ADGRL2: variants seen among roughly 807,000 people sequenced by gnomAD.
The protein encoded by ADGRL2 is adhesion G protein-coupled receptor L2, also known as calcium-independent alpha-latrotoxin receptor 2.
ADGRL2 carries 44 observed loss-of-function variants against 157.4 expected under a neutral mutation model. The ratio of observed to expected loss-of-function variants is 0.28; its 90% confidence interval spans 0.22 to 0.36. The LOEUF (loss-of-function observed/expected upper bound fraction) is 0.36. Among genes scored for constraint, ADGRL2 ranks in the 10% least tolerant of loss-of-function variants. ADGRL2 has a pLI of 1.00. For synonymous variants in ADGRL2, 585 were observed against 624.7 expected (o/e 0.94, Z 0.95); for missense variants, 1,510 against 1,768.9 (o/e 0.85, Z 2.63).
intron 3 of ADGRL2, among the ~76,000 whole-genome samples, chr1:81,926,979 A>G (rs531266215): frequency 1.3e-5 from 2 of 152,170 alleles, no homozygotes; most frequent in South Asian, 4.1e-4. Flanking sequence ...CAGCATTGCC[A>G]TTTCAAAATG....
At chr1:81,820,328 C>A (rs1298901643) in intron 1 of ADGRL2, among the ~76,000 whole-genome samples, 1 of 152,144 alleles carries the variant, frequency 6.6e-6, no homozygotes, top group Non-Finnish European at 1.5e-5. Context: ...AGTGTTATAA[C>A]ACTGAGTTGT....
intron 2 of ADGRL2, among the ~76,000 whole-genome samples, chr1:81,780,862 C>CCG (rs1456842217): frequency 6.6e-6 from 1 of 152,104 alleles, no homozygotes; most frequent in African/African-American, 2.4e-5. Flanking sequence ...CTATGTCCCC[C>CCG]CACAGAATAA....
intron 3 of ADGRL2, among the ~76,000 whole-genome samples, chr1:81,624,518 G>C (rs1027786634): frequency 1.3e-5 from 2 of 151,974 alleles, no homozygotes; most frequent in Non-Finnish European, 2.9e-5. Flanking sequence ...GGAGGCAGAG[G>C]TTGCAGTGAA....
chr1:81,766,839 A>C (rs1337523344), intron 2 of ADGRL2, among the ~76,000 whole-genome samples: 1 of 123,500 alleles, frequency 8.1e-6, no homozygotes, highest in African/African-American at 3.3e-5. Flanking sequence ...TCAAAAAAAA[A>C]AAAAAAGGAA....
At chr1:81,839,953 T>TTTTCCATCATATATATATG (rs1171555898) in intron 2 of ADGRL2, among the ~76,000 whole-genome samples, 2 of 147,516 alleles carry the variant, frequency 1.4e-5, no homozygotes, top group East Asian at 2.0e-4. Context: ...AATATATATA[T>TTTTCCATCATATATATATG]AAATACACAC....
Position 81,834,097 on chromosome 1 carries a change from A to G in ADGRL2, c.-100-2788A>G, listed in dbSNP as rs540433327. Among the ~76,000 whole-genome samples the G allele has an allele frequency of 1.6e-3, 242 of 152,262 alleles. 1 individual carries two copies. The highest frequency in any genetic ancestry group is 2.7e-3 in the Non-Finnish European group (186 of 68,002). ...TATAGTTTAAGTAGAAATCTGTTGT[A>G]TCTTGTTTTACTAAGAAATGAACTA... On this transcript the variant is annotated intron_variant, in intron 1 of 23. Coordinates refer to ENST00000686636, the MANE Select transcript of ADGRL2 (RefSeq NM_001366006.2).
chr1:81,921,094 C>T (rs987578334), intron 3 of ADGRL2, among the ~76,000 whole-genome samples: 8 of 152,174 alleles, frequency 5.3e-5, no homozygotes, highest in Middle Eastern at 3.4e-3. Flanking sequence ...ATTCTAATGG[C>T]ATTTTGACAT....
intron 2 of ADGRL2, among the ~76,000 whole-genome samples, chr1:81,575,888 A>C (rs1405235368): frequency 6.6e-6 from 1 of 152,170 alleles, no homozygotes; most frequent in African/African-American, 2.4e-5. Flanking sequence ...CCAAATTTAT[A>C]CTACACAGAA....
chr1:81,803,992 G>C lies in ADGRL2; in HGVS notation c.-101+2924G>C, dbSNP rs375615137. ...GGTTGTCTCTTGCTAAGTCAGGTTT[G>C]ATCTTGGGCAAACCTTAGAAAATAG... On this transcript the variant is annotated intron_variant, in intron 1 of 23. Transcript: ENST00000686636. 1.3e-3 allele frequency among the ~76,000 whole-genome samples: 191 copies of C among 152,272 alleles called. 7 individuals are homozygous for C. The South Asian group carries it at 0.036, about 29-fold the overall frequency.
intron 1 of ADGRL2, among the ~76,000 whole-genome samples, chr1:81,307,621 A>G (rs916245461): frequency 3.3e-5 from 5 of 152,174 alleles, no homozygotes; most frequent in Non-Finnish European, 5.9e-5. Flanking sequence ...CTTATATAAG[A>G]TAGAATTGAA....
intron 1 of ADGRL2, chr1:81,427,603 A>T: frequency 1.4e-6 from 1 of 703,018 alleles, no homozygotes; most frequent in Non-Finnish European, 2.6e-6. Flanking sequence ...ATAGGAGCAG[A>T]AGGTTTTGAA....
At chr1:81,651,858 A>G (rs2082427910) in intron 3 of ADGRL2, among the ~76,000 whole-genome samples, 1 of 152,076 alleles carries the variant, frequency 6.6e-6, no homozygotes, top group Non-Finnish European at 1.5e-5. Flanking sequence ...ATAGCTAGGA[A>G]TAGAGGCACA....
At chr1:81,946,306 T>C (rs1419620706) in intron 6 of ADGRL2, among the ~76,000 whole-genome samples, 1 of 151,684 alleles carries the variant, frequency 6.6e-6, no homozygotes, top group Non-Finnish European at 1.5e-5. Flanking sequence ...TTTTCATTCC[T>C]AAAAGCACAC....
intron 2 of ADGRL2, among the ~76,000 whole-genome samples, chr1:81,869,144 A>G (rs2093627070): frequency 6.6e-6 from 1 of 152,112 alleles, no homozygotes; most frequent in South Asian, 2.1e-4. Flanking sequence ...TGCAACCTGG[A>G]TGAATGTTGG....
At chr1:81,948,459 A>G (rs1042041138) in intron 6 of ADGRL2, among the ~76,000 whole-genome samples, 7 of 152,146 alleles carry the variant, frequency 4.6e-5, no homozygotes, top group African/African-American at 1.7e-4. Flanking sequence ...GTGTCAAGGG[A>G]TATATCAGGT....
At chr1:81,794,603 T>C (rs1367284525) in intron 2 of ADGRL2, among the ~76,000 whole-genome samples, 1 of 152,210 alleles carries the variant, frequency 6.6e-6, no homozygotes, top group Non-Finnish European at 1.5e-5. Flanking sequence ...CTTTCAGTGC[T>C]CCTTTGAGAT....
At chr1:81,751,106 A>G (rs781071700) in intron 1 of ADGRL2, among the ~76,000 whole-genome samples, 10 of 152,206 alleles carry the variant, frequency 6.6e-5, no homozygotes, top group Non-Finnish European at 1.2e-4. Flanking sequence ...GGGACATGTC[A>G]AAGAAAGATG....
intron 2 of ADGRL2, among the ~76,000 whole-genome samples, chr1:81,459,596 C>T (rs1451199609): frequency 2.0e-5 from 3 of 151,930 alleles, no homozygotes; most frequent in African/African-American, 7.3e-5. Context: ...AGATTGTTTC[C>T]ACACCTTGGT....
intron 2 of ADGRL2, among the ~76,000 whole-genome samples, chr1:81,859,581 AT>A (rs1002742589): frequency 6.6e-6 from 1 of 151,342 alleles, no homozygotes. Flanking sequence ...TAATTTTTGT[AT>A]TTTTTTGTAG....
Sources: gnomAD v4.1 joint callset for allele counts (sites outside exome capture counted in the v4.1 genomes callset) on GRCh38, gnomAD v4.1.1 for gene constraint, MANE v1.5 for transcripts, NCBI Gene and HGNC (gene_info 2026-07-23, HGNC 2026-07-21) for gene names.